The following MYBPC1 variants were observed in gnomAD, a reference collection of about 807,000 sequenced individuals.
MYBPC1 encodes myosin-binding protein C, slow-type.
Under a neutral mutation model 147.1 loss-of-function variants are expected in MYBPC1, and 52 were observed. That is an observed-to-expected ratio of 0.35 (90% CI 0.28 to 0.45). The LOEUF is 0.45. Among genes scored for constraint, MYBPC1 ranks in the 20% least tolerant of loss-of-function variants. The pLI, the probability that MYBPC1 is intolerant of heterozygous loss-of-function variation, is 1.00. For missense variants in MYBPC1, 1,228 were observed against 1,440.3 expected (o/e 0.85, Z 2.39); for synonymous variants, 477 against 475.9 (o/e 1.00, Z -0.03).
At chr12:101,598,209 G>A (rs1036869476) in intron 1 of MYBPC1, among the ~76,000 whole-genome samples, 2 of 151,926 alleles carry the variant, frequency 1.3e-5, no homozygotes, top group African/African-American at 2.4e-5. Flanking sequence ...TAGTAGAGAC[G>A]AGGTTTCGCC....
intron 1 of MYBPC1, 81 bp from the exon 2 acceptor site, chr12:101,614,415 A>G: frequency 6.6e-7 from 1 of 1,521,386 alleles, no homozygotes; most frequent in Non-Finnish European, 9.1e-7. Context: ...TGCCTGCAGC[A>G]GAAGCTGCCT....
chr12:101,625,799 C>T (rs895993702), intron 3 of MYBPC1, among the ~76,000 whole-genome samples: 1 of 152,052 alleles, frequency 6.6e-6, no homozygotes, highest in African/African-American at 2.4e-5. Context: ...TAAAATTTAT[C>T]CTTCTGCCAG....
chr12:101,629,257 T>C (rs1889291997), intron 5 of MYBPC1, 177 bp from the exon 6 acceptor site: 1 of 644,612 alleles, frequency 1.6e-6, no homozygotes, highest in South Asian at 1.7e-5. Context: ...CCTGTAAGAA[T>C]GGGAATCTGT....
intron 28 of MYBPC1, among the ~76,000 whole-genome samples, 188 bp downstream of exon 28, chr12:101,678,426 C>T (rs1183626579): frequency 1.3e-5 from 2 of 152,208 alleles, no homozygotes; most frequent in Non-Finnish European, 2.9e-5. Context: ...GCTTACATTT[C>T]TTTGCTAAGG....
chr12:101,616,876 C>T (rs970586622), intron 2 of MYBPC1, among the ~76,000 whole-genome samples: 20 of 152,274 alleles, frequency 1.3e-4, no homozygotes, highest in African/African-American at 4.8e-4. Context: ...TAAAGTGGCT[C>T]ACATTTGTTT....
Position 101,605,686 on chromosome 12 carries a change from C to A in MYBPC1, c.26-8810C>A, listed in dbSNP as rs374250520. On this transcript the variant is annotated intron_variant, in intron 1 of 31. Coordinates refer to ENST00000361466, the MANE Select transcript of MYBPC1 (RefSeq NM_002465.4). ...GACCAGCCTGGCCAACATGGTGAAA[C>A]CTTGTCTCTACTAAAAATACAAAAA... 3.1e-3 allele frequency among the ~76,000 whole-genome samples: 470 copies of A among 152,068 alleles called. 1 individual carries two copies. The highest frequency in any genetic ancestry group is 0.011 in the African/African-American group (451 of 41,472).
At chr12:101,599,101 T>A (rs1455815849) in intron 1 of MYBPC1, among the ~76,000 whole-genome samples, 1 of 152,186 alleles carries the variant, frequency 6.6e-6, no homozygotes, top group Non-Finnish European at 1.5e-5. Context: ...CCGTGTAAGA[T>A]CTCTTCTTGA....
In MYBPC1 at chr12:101,649,328, A is replaced by AC; in HGVS notation, c.1265_1266insC (p.Lys422AsnfsTer13). On this transcript the variant is annotated frameshift_variant, in exon 15 of 32. Coordinates refer to ENST00000361466, the MANE Select transcript of MYBPC1 (RefSeq NM_002465.4). LOFTEE classifies it high-confidence loss of function. The stretch of plus-strand genomic sequence containing the variant: ...TACCGAATTAGAGTTGAGGGTAAAA[A>AC]ACACATCTTGATCATAGAGGGAGCA... The AC allele has an allele frequency of 6.2e-7, 1 of 1,613,970 alleles. No individual in the cohort carries two copies. Among genetic ancestry groups the AC allele is most frequent in the Non-Finnish European group, 8.5e-7 (1 of 1,179,868 alleles).
At chr12:101,668,330 G>T (rs1230906788) in intron 23 of MYBPC1, among the ~76,000 whole-genome samples, 2 of 152,132 alleles carry the variant, frequency 1.3e-5, no homozygotes, top group Admixed American at 1.3e-4. Context: ...GTATAAAAAT[G>T]AAGGTGAGTA....
chr12:101,628,579 A>G (rs1889158335), intron 5 of MYBPC1, among the ~76,000 whole-genome samples: 1 of 152,152 alleles, frequency 6.6e-6, no homozygotes, highest in South Asian at 2.1e-4. Flanking sequence ...GAGAGTTGGC[A>G]ACCTATGCAT....
chr12:101,687,678 G>A (rs549430971), downstream of MYBPC1, among the ~76,000 whole-genome samples: 4 of 152,298 alleles, frequency 2.6e-5, no homozygotes, highest in East Asian at 5.8e-4. Context: ...CCCAGTCAAC[G>A]TGGTCCCTGC....
intron 22 of MYBPC1, 136 bp from the exon 23 acceptor site, chr12:101,667,596 G>A (rs1897724737): frequency 2.8e-6 from 3 of 1,056,198 alleles, no homozygotes; most frequent in Non-Finnish European, 4.3e-6. Context: ...TCGGAGTCCA[G>A]ACCAAAGTCA....
At chr12:101,637,906 T>A (rs368202550) in intron 10 of MYBPC1, among the ~76,000 whole-genome samples, 5 of 152,300 alleles carry the variant, frequency 3.3e-5, no homozygotes, top group African/African-American at 1.2e-4. Context: ...ACCATTAGTC[T>A]CAATAGTATT....
the MYBPC1 span, among the ~76,000 whole-genome samples, chr12:101,694,495 G>A: frequency 6.6e-6 from 1 of 152,164 alleles, no homozygotes; most frequent in Non-Finnish European, 1.5e-5. Flanking sequence ...GATATCATGA[G>A]GGTGGGGCCT....
intron 3 of MYBPC1, among the ~76,000 whole-genome samples, chr12:101,623,052 C>T (rs973550656): frequency 1.3e-5 from 2 of 152,038 alleles, no homozygotes; most frequent in African/African-American, 4.8e-5. Flanking sequence ...AAACAGATTG[C>T]CGGCCAGGTG....
chr12:101,646,987 C>A, intron 13 of MYBPC1, 100 bp downstream of exon 13: 1 of 1,450,734 alleles, frequency 6.9e-7, no homozygotes, highest in Non-Finnish European at 9.7e-7. Flanking sequence ...TCTACACTGG[C>A]AGCTATTATG....
intron 23 of MYBPC1, 105 bp downstream of exon 23, chr12:101,668,004 T>A: frequency 8.0e-7 from 1 of 1,251,502 alleles, no homozygotes; most frequent in Non-Finnish European, 1.1e-6. Context: ...TTGTTACTCC[T>A]TTGATATTTT....
chr12:101,675,535 A>G (rs759815548), intron 26 of MYBPC1, 104 bp downstream of exon 26: 11 of 1,517,942 alleles, frequency 7.2e-6, no homozygotes, highest in African/African-American at 1.4e-5. Flanking sequence ...AACTGGGGCT[A>G]TGGAGAAGTG....
chr12:101,683,965 C>CAT (rs1257828502), intron 30 of MYBPC1, among the ~76,000 whole-genome samples: 1 of 152,020 alleles, frequency 6.6e-6, no homozygotes, highest in Non-Finnish European at 1.5e-5. Flanking sequence ...AGAATTTCAA[C>CAT]ATATATATAT....
Sources: allele counts gnomAD v4.1 joint callset (sites outside exome capture counted in the v4.1 genomes callset), GRCh38; gene constraint gnomAD v4.1.1; transcripts MANE v1.5; gene names NCBI Gene and HGNC (gene_info 2026-07-23, HGNC 2026-07-21).